VDAC3: variants seen among roughly 807,000 people sequenced by gnomAD.
VDAC3 encodes voltage dependent anion channel 3, also known as non-selective voltage-gated ion channel VDAC3.
A neutral mutation model predicts 33.9 loss-of-function variants in VDAC3; 7 were observed. The ratio of observed to expected loss-of-function variants is 0.21; its 90% confidence interval spans 0.12 to 0.39. The LOEUF (loss-of-function observed/expected upper bound fraction) is 0.39, where lower values mean the gene tolerates loss of function less well. Among genes scored for constraint, VDAC3 ranks in the 10% least tolerant of loss-of-function variants. The probability of loss-of-function intolerance (pLI) is 1.00; values close to 1 mark genes in which losing one functional copy is unlikely to be tolerated. For missense variants in VDAC3, 261 were observed against 334.5 expected (o/e 0.78, Z 1.71); for synonymous variants, 100 against 122.4 (o/e 0.82, Z 1.21).
rs1179538938 is a variant in VDAC3 at position 42,404,905 on chromosome 8, T to C, written c.741T>C (p.Tyr247=). The C allele has an allele frequency of 1.9e-6, 3 of 1,613,634 alleles. No homozygotes were observed. Among genetic ancestry groups the C allele is most frequent in the African/African-American group, 2.7e-5 (2 of 74,906 alleles). Residue 247 remains tyrosine, a synonymous_variant, in exon 9 of 10, where the codon TAT becomes TAC. Transcript: ENST00000022615. ...ATGCCAGCCTGATTGGACTGGGTTA[T>C]ACTCAGACCCTTCGACCAGGTAAGT... is the stretch of plus-strand genomic sequence containing the variant. The part of the protein sequence containing the change: ...VNNASLIGLG[Y]TQTLRPGVKL...
chr8:42,405,075 A>C, intron 9 of VDAC3, 151 bp downstream of exon 9: 1 of 768,770 alleles, frequency 1.3e-6, no homozygotes, highest in Non-Finnish European at 2.1e-6. Flanking sequence ...ATACAGATCA[A>C]ATACTTTTGC....
chr8:42,394,128 C>G, intron 2 of VDAC3, 82 bp from the exon 3 acceptor site: 1 of 1,270,018 alleles, frequency 7.9e-7, no homozygotes. Flanking sequence ...CCCCTTCTCA[C>G]AGGATTAAAC....
intron 4 of VDAC3, chr8:42,397,560 C>T (rs998117040): frequency 6.6e-6 from 1 of 152,182 alleles, no homozygotes; most frequent in African/African-American, 2.4e-5. Flanking sequence ...TTGTCAGTGA[C>T]AGGTGCTGTC....
chr8:42,403,507 A>G (rs1456653860), intron 8 of VDAC3, 46 bp downstream of exon 8: 2 of 1,502,266 alleles, frequency 1.3e-6, no homozygotes, highest in Non-Finnish European at 8.9e-7. Flanking sequence ...GTTTGTGTCT[A>G]AGTTTTCAGA....
At chr8:42,402,417 C>T (rs1802431499) in intron 7 of VDAC3, among the ~76,000 whole-genome samples, 1 of 152,168 alleles carries the variant, frequency 6.6e-6, no homozygotes, top group South Asian at 2.1e-4. Context: ...TTGATCTGAG[C>T]ATCCTGGGAC....
At position 42,405,555 on chromosome 8, in the gene VDAC3, A is replaced by T. The variant is rs777858512; in HGVS notation, c.*93A>T. 3.3e-4 allele frequency: 370 copies of T among 1,107,624 alleles called. No individual in the cohort carries two copies. Among genetic ancestry groups the T allele is most frequent in the Non-Finnish European group, 4.5e-4 (338 of 745,868 alleles). The allele number at this position is 1,107,624 out of a possible 1,614,324, so 68.6% of individuals were successfully genotyped here. A position where few individuals can be genotyped will look rare whatever the true frequency, so the allele number is the denominator to read the frequency against. On this transcript the variant is annotated 3_prime_UTR_variant, in exon 10 of 10. Transcript: ENST00000022615. ...CTTAAAATTCTTCTGTGAAATTTCA[A>T]AAGTGTGAACTTTTTATTCTTCCAA...
At chr8:42,396,694 GC>G in intron 4 of VDAC3, 1 of 689,440 alleles carries the variant, frequency 1.5e-6, no homozygotes, top group Non-Finnish European at 2.6e-6. Flanking sequence ...AGAAAAAAAA[GC>G]TTATTCGTAT....
chr8:42,398,728 G>T lies in VDAC3; in HGVS notation c.134G>T (p.Gly45Val), dbSNP rs781759525. ...GCTTACCAGGAATTTTCTACTTCTG[G>T]TCATGCTTACACTGATACAGGGAAA... ...SCSGVEFSTS[G>V]HAYTDTGKAS... is the part of the protein sequence containing the mutation. Residue 45 changes from glycine to valine, a missense_variant, in exon 5 of 10, where the codon GGT becomes GTT. Physicochemically the swap from Gly to Val is moderately radical, Grantham distance 109. Transcript: ENST00000022615. 6.2e-7 allele frequency: 1 copy of T among 1,605,110 alleles called. No individual in the cohort carries two copies. The highest frequency in any genetic ancestry group is 8.5e-7 in the Non-Finnish European group (1 of 1,177,586).
At position 42,403,346 on chromosome 8, in the gene VDAC3, A is replaced by G; in HGVS notation, c.587A>G (p.Gln196Arg). Residue 196 changes from glutamine (Q) to arginine (R), a missense_variant, in exon 8 of 10, where the codon CAG becomes CGG. Coordinates refer to ENST00000022615, the MANE Select transcript of VDAC3 (RefSeq NM_005662.7). ...ACTGAATTTGGAGGTTCTATCTACCAGAAGGTGAATGAGAAGATTGAAACA... is the reference window on the plus strand; with the variant it reads ...ACTGAATTTGGAGGTTCTATCTACCGGAAGGTGAATGAGAAGATTGAAACA... Reference protein sequence around the residue: ...DGTEFGGSIYQKVNEKIETSI... With the variant: ...DGTEFGGSIYRKVNEKIETSI... 6.2e-7 allele frequency: 1 copy of G among 1,614,036 alleles called. No individual in the cohort carries two copies. Among genetic ancestry groups the G allele is most frequent in the Non-Finnish European group, 8.5e-7 (1 of 1,179,986 alleles).
rs891260926 is a variant in VDAC3, at chr8:42,394,334, A to G, written c.67+56A>G. On this transcript the variant is annotated intron_variant, in intron 3 of 9. Coordinates refer to ENST00000022615, the MANE Select transcript of VDAC3 (RefSeq NM_005662.7). The stretch of plus-strand genomic sequence containing the variant: ...GGGTAAAGGTTAGTGTTGAATGCCT[A>G]CTGTGTGTAAATACTGTGTTAGTAA... 6 of 1,425,538 alleles carry G rather than the reference A, an allele frequency of 4.2e-6. No homozygotes were observed. In the African/African-American group the frequency reaches 4.2e-5, roughly 10 times the overall value. The allele number at this position is 1,425,538 out of a possible 1,614,324, so 88.3% of individuals were successfully genotyped here.
rs766613828 is a variant in VDAC3, at chr8:42,401,964, A to G, written c.500A>G (p.Asn167Ser). Residue 167 changes from asparagine (N) to serine (S), a missense_variant, in exon 7 of 10, where the codon AAT (asparagine) becomes AGT (serine). Physicochemically the swap from Asn to Ser is conservative, Grantham distance 46. Coordinates refer to ENST00000022615, the MANE Select transcript of VDAC3 (RefSeq NM_005662.7). ...FDTAKSKLSQNNFALGYKAAD... is the reference protein window; with the variant it reads ...FDTAKSKLSQSNFALGYKAAD... ...ACAGCCAAATCCAAACTGTCACAGA[A>G]TAATTTCGCCCTGGGTTACAAGGCT... 2.9e-5 allele frequency: 47 copies of G among 1,614,116 alleles called. No individual in the cohort carries two copies. The highest frequency in any genetic ancestry group is 4.0e-5 in the Non-Finnish European group (47 of 1,180,048).
intron 2 of VDAC3, 69 bp from the exon 3 acceptor site, chr8:42,394,141 C>T: frequency 1.4e-6 from 2 of 1,389,166 alleles, no homozygotes; most frequent in Non-Finnish European, 1.0e-6. Context: ...GATTAAACAG[C>T]AGAAGAACTG....
Position 42,399,690 on chromosome 8 carries a change from G to T in VDAC3, c.310G>T (p.Val104Leu). The T allele has an allele frequency of 6.2e-7, 1 of 1,611,788 alleles. No individual in the cohort carries two copies. The highest frequency in any genetic ancestry group is 1.3e-5 in the African/African-American group (1 of 74,822). ...GAAACTGACTCTTGATACCATATTT[G>T]TACCGAACACAGGGTAATTATTCAA... ...GLKLTLDTIF[V>L]PNTGKKSGKL... Residue 104 changes from valine (V) to leucine (L), a missense_variant, in exon 6 of 10, where the codon GTA (valine) becomes TTA (leucine). Transcript: ENST00000022615.
chr8:42,401,713 CT>C, intron 6 of VDAC3, 74 bp from the exon 7 acceptor site: 1 of 1,342,866 alleles, frequency 7.4e-7, no homozygotes, highest in Non-Finnish European at 1.1e-6. Context: ...GAGGATCTTA[CT>C]CTAAAAATTC....
rs1216871401 is a variant in VDAC3, at chr8:42,405,451, C to T, written c.841C>T (p.Leu281=). The T allele has an allele frequency of 1.9e-6, 3 of 1,612,048 alleles. No individual in the cohort carries two copies. Among genetic ancestry groups the T allele is most frequent in the Admixed American group, 1.7e-5 (1 of 60,024 alleles). The change falls in exon 10 of 10, where the codon CTG becomes TTG. Residue 281 remains leucine, a synonymous_variant. Transcript: ENST00000022615. ...TCACAAGGTTGGCTTGGGATTTGAA[C>T]TGGAAGCTTAATGTGGTTTGAGGAA... The part of the protein sequence containing the change: ...GGHKVGLGFE[L]EA
At chr8:42,391,990 G>C (rs542609262) in intron 1 of VDAC3, 62 bp downstream of exon 1, 2 of 152,588 alleles carry the variant, frequency 1.3e-5, no homozygotes, top group South Asian at 4.1e-4. Flanking sequence ...CGGCCGAGCA[G>C]AGCGCCAGGC....
At chr8:42,403,905 T>C (rs1216753130) in intron 8 of VDAC3, among the ~76,000 whole-genome samples, 1 of 151,934 alleles carries the variant, frequency 6.6e-6, no homozygotes, top group Non-Finnish European at 1.5e-5. Flanking sequence ...AAATTATGCT[T>C]GACGTCAGGA....
intron 4 of VDAC3, among the ~76,000 whole-genome samples, 178 bp from the exon 5 acceptor site, chr8:42,398,534 G>T (rs1802357541): frequency 6.6e-6 from 1 of 152,062 alleles, no homozygotes; most frequent in South Asian, 2.1e-4. Context: ...GGCAGAACTG[G>T]TTAAAATATT....
At chr8:42,404,423 C>CT (rs1404738536) in intron 8 of VDAC3, among the ~76,000 whole-genome samples, 1 of 152,136 alleles carries the variant, frequency 6.6e-6, no homozygotes, top group East Asian at 1.9e-4. Context: ...GTCCTACTGA[C>CT]TTCTTAATCA....
Sources: allele counts gnomAD v4.1 joint callset (sites outside exome capture counted in the v4.1 genomes callset), GRCh38; gene constraint gnomAD v4.1.1; transcripts MANE v1.5; gene names NCBI Gene and HGNC (gene_info 2026-07-23, HGNC 2026-07-21).